The following DAB1 variants were observed in gnomAD, a reference collection of about 807,000 sequenced individuals.
The protein encoded by DAB1 is disabled homolog 1.
Under a neutral mutation model 64.6 loss-of-function variants are expected in DAB1, and 15 were observed. The observed-to-expected ratio is 0.23, with a 90% CI of 0.16 to 0.36. DAB1 has a LOEUF of 0.36. Among genes scored for constraint, DAB1 ranks in the 10% least tolerant of loss-of-function variants. DAB1 has a pLI of 1.00. For synonymous variants in DAB1, 235 were observed against 251.9 expected, an observed-to-expected ratio of 0.93 and a Z score of 0.64; for missense variants, 596 against 706.7, an observed-to-expected ratio of 0.84 and a Z score of 1.78.
At chr1:58,298,407 C>T (rs930579172) in intron 4 of DAB1, among the ~76,000 whole-genome samples, 29 of 152,256 alleles carry the variant, frequency 1.9e-4, no homozygotes, top group Non-Finnish European at 3.1e-4. Context: ...TTATTTGTAT[C>T]TCTTGAAGAC....
intron 2 of DAB1, among the ~76,000 whole-genome samples, chr1:57,203,017 T>C (rs776991258): frequency 2.6e-5 from 4 of 152,236 alleles, no homozygotes; most frequent in East Asian, 1.9e-4. Flanking sequence ...GGGGTTTAAG[T>C]TGAAATCTAT....
At chr1:57,720,487 G>A (rs1212781088) in intron 6 of DAB1, among the ~76,000 whole-genome samples, 2 of 152,212 alleles carry the variant, frequency 1.3e-5, no homozygotes, top group African/African-American at 4.8e-5. Flanking sequence ...CCGGCATGAA[G>A]ATAGTGCAGT....
At chr1:57,108,142 G>A (rs1023102119) in intron 4 of DAB1, among the ~76,000 whole-genome samples, 2 of 152,046 alleles carry the variant, frequency 1.3e-5, no homozygotes, top group African/African-American at 4.8e-5. Flanking sequence ...TCCAATCAAG[G>A]CTGTAGGGTA....
At chr1:57,337,873 CTCCCCTCCCT>C (rs527419119) in intron 1 of DAB1, among the ~76,000 whole-genome samples, 14,426 of 147,986 alleles carry the variant, frequency 0.097, 801 homozygotes, top group Middle Eastern at 0.12. Context: ...CTTCCCTCCC[CTCCCCTCCCT>C]TCCCTTCCCT....
intron 5 of DAB1, among the ~76,000 whole-genome samples, chr1:58,036,408 T>C (rs1013024348): frequency 6.6e-6 from 1 of 152,174 alleles, no homozygotes; most frequent in African/African-American, 2.4e-5. Context: ...GCCCTGCCAC[T>C]CTGGGCTGCC....
chr1:58,341,187 AT>A (rs1240070263), intron 4 of DAB1, among the ~76,000 whole-genome samples: 1 of 152,182 alleles, frequency 6.6e-6, no homozygotes, highest in East Asian at 1.9e-4. Context: ...AGTCAAGTTT[AT>A]TTTTTACAAC....
At chr1:57,027,946 G>A (rs544798080) in intron 9 of DAB1, among the ~76,000 whole-genome samples, 5 of 152,286 alleles carry the variant, frequency 3.3e-5, no homozygotes, top group Admixed American at 1.3e-4. Context: ...AATGAGAAAT[G>A]CCAACTCTCA....
chr1:57,334,058 T>A (rs1337746956), intron 1 of DAB1, among the ~76,000 whole-genome samples: 2 of 152,178 alleles, frequency 1.3e-5, no homozygotes, highest in Non-Finnish European at 2.9e-5. Flanking sequence ...AGCCTTGGAC[T>A]CCCATTCTCT....
At chr1:58,275,243 G>C (rs925417198) in intron 4 of DAB1, among the ~76,000 whole-genome samples, 10 of 152,114 alleles carry the variant, frequency 6.6e-5, no homozygotes, top group Non-Finnish European at 1.5e-4. Context: ...AGAAAACATA[G>C]GAGAAGAGCT....
At chr1:57,124,389 A>G (rs978109415) in intron 4 of DAB1, among the ~76,000 whole-genome samples, 1 of 152,160 alleles carries the variant, frequency 6.6e-6, no homozygotes, top group Non-Finnish European at 1.5e-5. Context: ...GATGCATCTC[A>G]GTATCTCAGA....
At chr1:57,830,265 T>C (rs2101903457) in intron 1 of DAB1, among the ~76,000 whole-genome samples, 1 of 152,300 alleles carries the variant, frequency 6.6e-6, no homozygotes, top group African/African-American at 2.4e-5. Context: ...ATGATAAAAA[T>C]AATGGTGACA....
Position 57,259,695 on chromosome 1 carries a change from T to C in DAB1, c.67+31269A>G, listed in dbSNP as rs370813656. Among the ~76,000 whole-genome samples, 93 of 152,278 alleles carry C rather than the reference T, an allele frequency of 6.1e-4. 1 individual carries two copies. In the South Asian group the frequency reaches 0.017, roughly 27 times the overall value. On this transcript the variant is annotated intron_variant, in intron 2 of 14. Coordinates refer to ENST00000371236, the MANE Select transcript of DAB1 (RefSeq NM_001365792.1). ...TTTATGTGGGTCATAGCAAAACTAG[T>C]GTGCCACAGGAAATAAAGAGGTTAT...
intron 1 of DAB1, among the ~76,000 whole-genome samples, chr1:57,848,438 C>A (rs1244470548): frequency 6.6e-6 from 1 of 152,142 alleles, no homozygotes; most frequent in East Asian, 1.9e-4. Context: ...TGGGATTTAT[C>A]CTGGACTACA....
intron 1 of DAB1, among the ~76,000 whole-genome samples, chr1:57,420,532 T>G (rs901938689): frequency 1.3e-5 from 2 of 152,252 alleles, no homozygotes; most frequent in Non-Finnish European, 2.9e-5. Flanking sequence ...TTATTCTTTT[T>G]TATTAACATG....
chr1:57,163,546 G>A (rs527995621), intron 2 of DAB1, among the ~76,000 whole-genome samples: 5 of 152,152 alleles, frequency 3.3e-5, no homozygotes, highest in African/African-American at 1.2e-4. Context: ...GGTTCTGAGT[G>A]CAATGGAAAG....
chr1:57,921,303 G>A (rs1011174126), intron 5 of DAB1, among the ~76,000 whole-genome samples: 2 of 152,106 alleles, frequency 1.3e-5, no homozygotes, highest in African/African-American at 4.8e-5. Flanking sequence ...GGAAGAGATT[G>A]GAATAGTATT....
At chr1:57,775,929 T>G (rs1649776372) in intron 6 of DAB1, among the ~76,000 whole-genome samples, 1 of 151,750 alleles carries the variant, frequency 6.6e-6, no homozygotes, top group Non-Finnish European at 1.5e-5. Context: ...AAAATTGTGA[T>G]ATCTTTATGT....
intron 1 of DAB1, among the ~76,000 whole-genome samples, chr1:57,414,677 A>G (rs1389142586): frequency 6.6e-6 from 1 of 152,186 alleles, no homozygotes; most frequent in African/African-American, 2.4e-5. Flanking sequence ...ACTATTTGCC[A>G]TTTAGAATAA....
chr1:58,185,244 CAGG>C (rs1424259116), intron 4 of DAB1, among the ~76,000 whole-genome samples: 6 of 152,248 alleles, frequency 3.9e-5, no homozygotes, highest in African/African-American at 1.4e-4. Context: ...GAGAGGGAAG[CAGG>C]AGAAGGATGG....
Sources: allele counts gnomAD v4.1 joint callset (sites outside exome capture counted in the v4.1 genomes callset), GRCh38; gene constraint gnomAD v4.1.1; transcripts MANE v1.5; gene names NCBI Gene and HGNC (gene_info 2026-07-23, HGNC 2026-07-21).